The following SNTG1 variants were observed in gnomAD, a reference collection of about 807,000 sequenced individuals.
The protein encoded by SNTG1 is syntrophin gamma 1.
Under a neutral mutation model 74.7 loss-of-function variants are expected in SNTG1, and 39 were observed. The ratio of observed to expected loss-of-function variants is 0.52; its 90% confidence interval spans 0.40 to 0.68. SNTG1 has a LOEUF of 0.68. Among genes scored for constraint, SNTG1 ranks in the 30% least tolerant of loss-of-function variants. The pLI is 0.00. For synonymous variants in SNTG1, 254 were observed against 217.1 expected (o/e 1.17, Z -1.49); for missense variants, 685 against 609.5 (o/e 1.12, Z -1.30).
chr8:50,047,084 T>C (rs1050413081), intron 1 of SNTG1, among the ~76,000 whole-genome samples: 8 of 152,162 alleles, frequency 5.3e-5, no homozygotes, highest in Non-Finnish European at 1.2e-4. Flanking sequence ...AGAAATTTAT[T>C]TTTAAATTCC....
At chr8:50,096,643 G>C (rs2079939550) in intron 1 of SNTG1, among the ~76,000 whole-genome samples, 1 of 152,070 alleles carries the variant, frequency 6.6e-6, no homozygotes, top group African/African-American at 2.4e-5. Flanking sequence ...TGCACCAAAA[G>C]GTGGCAAGAT....
At chr8:50,230,176 G>A (rs2085543240) in intron 2 of SNTG1, among the ~76,000 whole-genome samples, 1 of 151,286 alleles carries the variant, frequency 6.6e-6, no homozygotes, top group Non-Finnish European at 1.5e-5. Context: ...TAGAGAAAAA[G>A]CAATTTTAGC....
chr8:49,936,729 C>T (rs912106822), intron 1 of SNTG1, among the ~76,000 whole-genome samples: 1 of 152,040 alleles, frequency 6.6e-6, no homozygotes, highest in Non-Finnish European at 1.5e-5. Context: ...AGAAATAACC[C>T]AACAGTCCAT....
At chr8:50,296,255 A>G (rs1446957249) in intron 2 of SNTG1, among the ~76,000 whole-genome samples, 1 of 152,210 alleles carries the variant, frequency 6.6e-6, no homozygotes, top group Non-Finnish European at 1.5e-5. Context: ...CAGCAATCCC[A>G]TTACTGGGAA....
intron 1 of SNTG1, among the ~76,000 whole-genome samples, chr8:50,106,477 C>T (rs2080376866): frequency 6.6e-6 from 1 of 152,118 alleles, no homozygotes; most frequent in Admixed American, 6.6e-5. Flanking sequence ...GTTGGCCATC[C>T]TCATCTTGTT....
At chr8:50,682,784 C>T (rs1245327546) in intron 15 of SNTG1, among the ~76,000 whole-genome samples, 3 of 152,148 alleles carry the variant, frequency 2.0e-5, no homozygotes, top group Admixed American at 6.5e-5. Flanking sequence ...TAGTCTTTTG[C>T]TACCCACCCA....
At chr8:50,266,402 A>C (rs182601269) in intron 2 of SNTG1, among the ~76,000 whole-genome samples, 194 of 152,168 alleles carry the variant, frequency 1.3e-3, no homozygotes, top group African/African-American at 4.6e-3. Flanking sequence ...ATGAAGTTGG[A>C]TCATGTCCTC....
At chr8:50,075,762 C>T (rs577890354) in intron 1 of SNTG1, among the ~76,000 whole-genome samples, 3 of 152,118 alleles carry the variant, frequency 2.0e-5, no homozygotes, top group African/African-American at 7.2e-5. Flanking sequence ...AGACCACGAA[C>T]CCCCTGGGAG....
chr8:50,359,562 G>C (rs920395097), intron 2 of SNTG1, among the ~76,000 whole-genome samples: 1 of 152,128 alleles, frequency 6.6e-6, no homozygotes. Context: ...AGCAAGTTTT[G>C]TATCAGTGAT....
At chr8:49,991,408 A>G (rs1813677693) in intron 1 of SNTG1, among the ~76,000 whole-genome samples, 1 of 152,172 alleles carries the variant, frequency 6.6e-6, no homozygotes, top group South Asian at 2.1e-4. Context: ...TTAAACTGTG[A>G]CCACACAACC....
chr8:50,082,230 C>T (rs184252058), intron 1 of SNTG1, among the ~76,000 whole-genome samples: 71 of 152,102 alleles, frequency 4.7e-4, no homozygotes, highest in African/African-American at 1.5e-3. Context: ...TAATAGCTGC[C>T]TTGAAGTCTT....
intron 2 of SNTG1, among the ~76,000 whole-genome samples, chr8:50,369,610 A>AAAG (rs1554650511): frequency 2.6e-5 from 4 of 151,926 alleles, no homozygotes; most frequent in Non-Finnish European, 5.9e-5. Context: ...AAGAAAAAAA[A>AAAG]AAAAGAAAAG....
At chr8:50,159,020 C>T (rs1013374863) in intron 1 of SNTG1, among the ~76,000 whole-genome samples, 8 of 152,134 alleles carry the variant, frequency 5.3e-5, no homozygotes, top group African/African-American at 9.7e-5. Context: ...GGTTGAATAA[C>T]GTGTTGTGAA....
intron 1 of SNTG1, among the ~76,000 whole-genome samples, chr8:50,167,395 A>G (rs1297975941): frequency 1.3e-5 from 2 of 151,664 alleles, no homozygotes; most frequent in Non-Finnish European, 2.9e-5. Context: ...AACTTTTCCT[A>G]TATGTCACTC....
At chr8:50,348,160 C>G (rs1229417042) in intron 2 of SNTG1, among the ~76,000 whole-genome samples, 3 of 152,174 alleles carry the variant, frequency 2.0e-5, no homozygotes, top group African/African-American at 7.2e-5. Flanking sequence ...AGACTGGAGT[C>G]TTATCTCTCT....
At chr8:50,221,512 TACACACACAC>T (rs71550218) in intron 2 of SNTG1, among the ~76,000 whole-genome samples, 22 of 130,206 alleles carry the variant, frequency 1.7e-4, no homozygotes, top group African/African-American at 2.7e-4. Context: ...AACACACACA[TACACACACAC>T]ACACACACAC....
At chr8:50,032,275 A>G (rs1278037379) in intron 1 of SNTG1, among the ~76,000 whole-genome samples, 1 of 151,190 alleles carries the variant, frequency 6.6e-6, no homozygotes, top group African/African-American at 2.4e-5. Flanking sequence ...TTTTCTTTCT[A>G]TTCTTCAATT....
intron 1 of SNTG1, among the ~76,000 whole-genome samples, chr8:50,153,087 G>A (rs990753122): frequency 1.3e-5 from 2 of 152,134 alleles, no homozygotes; most frequent in African/African-American, 2.4e-5. Context: ...CATATTTCTT[G>A]GAGGCCTTGT....
intron 2 of SNTG1, among the ~76,000 whole-genome samples, chr8:50,363,518 A>ATG (rs61604839): frequency 0.06 from 9,037 of 151,526 alleles, 301 homozygotes; most frequent in Non-Finnish European, 0.073. Flanking sequence ...GGGTGTGTGT[A>ATG]TGTGTGTGTG....
Sources: gnomAD v4.1 joint callset for allele counts (sites outside exome capture counted in the v4.1 genomes callset) on GRCh38, gnomAD v4.1.1 for gene constraint, MANE v1.5 for transcripts, NCBI Gene and HGNC (gene_info 2026-07-23, HGNC 2026-07-21) for gene names.